S100Z: variants seen among roughly 807,000 people sequenced by gnomAD.
S100Z encodes S100 calcium binding protein Z.
S100Z carries 11 observed loss-of-function variants against 8.5 expected under a neutral mutation model. The ratio of observed to expected loss-of-function variants is 1.30; its 90% confidence interval spans 0.82 to 2.15. The LOEUF is 2.15. S100Z is among the 30% of genes most tolerant of loss of function. The probability of loss-of-function intolerance (pLI) is 0.00; values close to 1 mark genes in which losing one functional copy is unlikely to be tolerated. For missense variants in S100Z, 126 were observed against 117.9 expected, an observed-to-expected ratio of 1.07 and a Z score of -0.32; for synonymous variants, 34 against 43.8, an observed-to-expected ratio of 0.78 and a Z score of 0.89.
chr5:76,864,965 C>T (rs1751215207), intron 1 of S100Z, among the ~76,000 whole-genome samples: 2 of 152,192 alleles, frequency 1.3e-5, no homozygotes, highest in South Asian at 2.1e-4. Flanking sequence ...CCTCAGCCTC[C>T]CAAAGTGCTG....
At chr5:76,903,019 C>T (rs924002187) in intron 4 of S100Z, among the ~76,000 whole-genome samples, 1 of 152,252 alleles carries the variant, frequency 6.6e-6, no homozygotes, top group Admixed American at 6.5e-5. Context: ...AACCCCATCT[C>T]TACTAAAAAT....
At chr5:76,858,657 C>T (rs1750958609) in intron 1 of S100Z, among the ~76,000 whole-genome samples, 1 of 152,164 alleles carries the variant, frequency 6.6e-6, no homozygotes, top group East Asian at 1.9e-4. Flanking sequence ...ACAAAGTCTT[C>T]ACAATTAGCT....
At chr5:76,933,016 C>T in the S100Z span, among the ~76,000 whole-genome samples, 2 of 152,194 alleles carry the variant, frequency 1.3e-5, no homozygotes, top group Non-Finnish European at 2.9e-5. Context: ...TTAAATTTAA[C>T]TTACTGTCAT....
intron 4 of S100Z, among the ~76,000 whole-genome samples, chr5:76,888,766 G>A (rs376069003): frequency 2.4e-4 from 37 of 152,218 alleles, no homozygotes; most frequent in African/African-American, 8.9e-4. Flanking sequence ...GTAAAGCCCC[G>A]GCTCTTAGAG....
intron 4 of S100Z, among the ~76,000 whole-genome samples, chr5:76,907,003 T>TATATATATATATACAC (rs1744471672): frequency 6.3e-5 from 1 of 15,792 alleles, no homozygotes; most frequent in Non-Finnish European, 1.4e-4. Flanking sequence ...TATATATATA[T>TATATATATATATACAC]ATATATATAT....
chr5:76,938,949 C>T, the S100Z span, among the ~76,000 whole-genome samples: 3 of 152,228 alleles, frequency 2.0e-5, no homozygotes, highest in East Asian at 5.8e-4. Context: ...TATGACATGG[C>T]CAGTAACTTT....
the S100Z span, among the ~76,000 whole-genome samples, chr5:76,937,961 C>T: frequency 5.3e-5 from 8 of 151,760 alleles, no homozygotes; most frequent in East Asian, 1.9e-4. Context: ...TAGTCATGCA[C>T]GGCGGTGCAT....
intron 1 of S100Z, among the ~76,000 whole-genome samples, chr5:76,852,469 G>T (rs1051886969): frequency 6.6e-6 from 1 of 152,036 alleles, no homozygotes; most frequent in East Asian, 1.9e-4. Context: ...CCAGTACTTT[G>T]GGAAGCTGAG....
the S100Z span, among the ~76,000 whole-genome samples, chr5:76,951,291 G>T: frequency 6.6e-6 from 1 of 152,232 alleles, no homozygotes. Flanking sequence ...CATCACTGTT[G>T]TCTGTGCACG....
chr5:76,934,668 A>C, the S100Z span, among the ~76,000 whole-genome samples: 2 of 152,248 alleles, frequency 1.3e-5, no homozygotes, highest in African/African-American at 2.4e-5. Flanking sequence ...ATGTGAGGAC[A>C]CAGTGTTCCT....
chr5:76,897,611 A>G (rs1216011107), intron 4 of S100Z, among the ~76,000 whole-genome samples: 1 of 152,052 alleles, frequency 6.6e-6, no homozygotes, highest in Non-Finnish European at 1.5e-5. Flanking sequence ...CAATCCATGA[A>G]CATGAAGCAT....
intron 2 of S100Z, 49 bp from the exon 3 acceptor site, chr5:76,875,255 T>C: frequency 1.0e-6 from 1 of 997,270 alleles, no homozygotes; most frequent in Non-Finnish European, 1.4e-6. Context: ...TGTAATATTC[T>C]GTTTTAATGA....
chr5:76,880,690 A>T (rs138075370), intron 4 of S100Z, among the ~76,000 whole-genome samples: 100 of 152,362 alleles, frequency 6.6e-4, no homozygotes, highest in African/African-American at 2.4e-3. Context: ...TACCCAGGAC[A>T]TCCAATTACA....
At chr5:76,916,912 G>A (rs570144506) in intron 4 of S100Z, among the ~76,000 whole-genome samples, 1 of 152,202 alleles carries the variant, frequency 6.6e-6, no homozygotes, top group Admixed American at 6.5e-5. Context: ...GATCATGTGA[G>A]GTTAGGAGTT....
rs928656155 is a variant in S100Z, at chr5:76,917,749, G to A, written c.*3-2968G>A. Among the ~76,000 whole-genome samples, 12 of 149,022 alleles carry A rather than the reference G, an allele frequency of 8.1e-5. 1 individual carries two copies. In the South Asian group the frequency reaches 2.5e-3, roughly 31 times the overall value. On this transcript the variant is annotated intron_variant, in intron 4 of 4. Coordinates refer to ENST00000317593, the MANE Select transcript of S100Z (RefSeq NM_130772.4). ...GAGGCACAAGAATCACTTGAACCCA[G>A]AAAGTGGAGGTTGCAGTAAACCGAG...
intron 4 of S100Z, among the ~76,000 whole-genome samples, chr5:76,889,304 CAA>C (rs1459409900): frequency 6.6e-6 from 1 of 152,128 alleles, no homozygotes; most frequent in Admixed American, 6.5e-5. Flanking sequence ...CAACGTAAGA[CAA>C]GAGCCCTGGT....
At chr5:76,859,642 C>T (rs764769797) in intron 1 of S100Z, among the ~76,000 whole-genome samples, 4 of 151,570 alleles carry the variant, frequency 2.6e-5, no homozygotes, top group Admixed American at 6.6e-5. Context: ...ATTAGCTGGG[C>T]GTGGTGGCGG....
At chr5:76,909,534 G>T (rs1203762134) in intron 4 of S100Z, among the ~76,000 whole-genome samples, 1 of 152,222 alleles carries the variant, frequency 6.6e-6, no homozygotes, top group Admixed American at 6.5e-5. Flanking sequence ...ACATCCTACA[G>T]GAGGACCTCT....
chr5:76,918,776 C>T (rs557613181), intron 4 of S100Z, among the ~76,000 whole-genome samples: 1 of 152,332 alleles, frequency 6.6e-6, no homozygotes, highest in Admixed American at 6.5e-5. Context: ...TGCATAGTGA[C>T]ACGTATCCAC....
Sources: allele counts gnomAD v4.1 joint callset (sites outside exome capture counted in the v4.1 genomes callset), GRCh38; gene constraint gnomAD v4.1.1; transcripts MANE v1.5; gene names NCBI Gene and HGNC (gene_info 2026-07-23, HGNC 2026-07-21).